Variants in ZC3H12C observed in about 807,000 individuals in gnomAD.
ZC3H12C encodes zinc finger CCCH-type containing 12C, also known as probable ribonuclease ZC3H12C.
A neutral mutation model predicts 76.3 loss-of-function variants in ZC3H12C; 20 were observed. That is an observed-to-expected ratio of 0.26 (90% confidence interval 0.18 to 0.38). The LOEUF (loss-of-function observed/expected upper bound fraction) is 0.38, where lower values mean the gene tolerates loss of function less well. Ranked by LOEUF, ZC3H12C falls within the 10% of genes least tolerant of loss-of-function variation. The probability of loss-of-function intolerance (pLI) is 1.00; values close to 1 mark genes in which losing one functional copy is unlikely to be tolerated. For missense variants in ZC3H12C, 874 were observed against 1,086.5 expected (o/e 0.80, Z 2.75); for synonymous variants, 352 against 399.6 (o/e 0.88, Z 1.42).
intron 1 of ZC3H12C, chr11:110,131,120 C>T: frequency 2.0e-6 from 3 of 1,518,828 alleles, no homozygotes; most frequent in Non-Finnish European, 2.7e-6. Flanking sequence ...AGTATTTGTG[C>T]TACTTTAATG....
intron 2 of ZC3H12C, among the ~76,000 whole-genome samples, chr11:110,139,688 T>C (rs965038147): frequency 3.9e-5 from 6 of 152,134 alleles, no homozygotes; most frequent in Non-Finnish European, 8.8e-5. Context: ...AGCCATAAAA[T>C]TGCCAAACGA....
Position 110,168,995 on chromosome 11 carries a change from T to G in ZC3H12C, c.*3258T>G, listed in dbSNP as rs1862627873. ...AAAAACAGGGGTTGGGGGGAGTGCT[T>G]CTGATGGCTAACTTTTCTCTAATTA... is the stretch of plus-strand genomic sequence containing the variant. On this transcript the variant is annotated 3_prime_UTR_variant, in exon 6 of 6. Coordinates refer to ENST00000278590, the MANE Select transcript of ZC3H12C (RefSeq NM_033390.2). 1 of 152,148 alleles carries G rather than the reference T, an allele frequency of 6.6e-6. No homozygotes were observed. Among genetic ancestry groups the G allele is most frequent in the Non-Finnish European group, 1.5e-5 (1 of 68,014 alleles). 9.4% of individuals were successfully genotyped at this position (152,148 alleles called of 1,614,324 possible). A position where few individuals can be genotyped will look rare whatever the true frequency, so the allele number is the denominator to read the frequency against.
intron 2 of ZC3H12C, among the ~76,000 whole-genome samples, chr11:110,145,419 T>A (rs1331154057): frequency 6.6e-6 from 1 of 152,206 alleles, no homozygotes; most frequent in Non-Finnish European, 1.5e-5. Context: ...CTCTCCTAAT[T>A]TCCAGTTGTC....
At chr11:110,118,976 C>T (rs1039977319) in intron 1 of ZC3H12C, among the ~76,000 whole-genome samples, 1 of 152,184 alleles carries the variant, frequency 6.6e-6, no homozygotes, top group Admixed American at 6.5e-5. Flanking sequence ...CTCCATCAAA[C>T]TCTCAATAGC....
At position 110,159,411 on chromosome 11, in the gene ZC3H12C, A is replaced by G. The variant is rs761670342; in HGVS notation, c.1069A>G (p.Arg357Gly). 6.2e-7 allele frequency: 1 copy of G among 1,613,968 alleles called. No individual in the cohort carries two copies. The change falls in exon 4 of 6, where the codon AGG (arginine) becomes GGG (glycine). Residue 357 changes from arginine to glycine, a missense_variant. Physicochemically the swap from Arg to Gly is moderately radical, Grantham distance 125. Transcript: ENST00000278590. ...TATCATTGTGTCCAATGATAACTAC[A>G]GGGACTTGGCTAATGAGAAGCCAGA... ...DGIIVSNDNY[R>G]DLANEKPEWK...
At chr11:110,111,697 A>ATTTT (rs11387069) in intron 1 of ZC3H12C, among the ~76,000 whole-genome samples, 1 of 132,034 alleles carries the variant, frequency 7.6e-6, no homozygotes, top group Non-Finnish European at 1.6e-5. Flanking sequence ...GGCCTGACTG[A>ATTTT]TTTTTTTTTT....
rs2134206649 is a variant in ZC3H12C at position 110,168,709 on chromosome 11, T to C, written c.*2972T>C. On this transcript the variant is annotated 3_prime_UTR_variant, in exon 6 of 6. Coordinates refer to ENST00000278590, the MANE Select transcript of ZC3H12C (RefSeq NM_033390.2). Reference sequence around the variant, plus strand: ...GAATAGTACCCAATTGGCCAAATACTGGCCCTTAGTATCTCCTCCTTTCTT... The same window carrying C: ...GAATAGTACCCAATTGGCCAAATACCGGCCCTTAGTATCTCCTCCTTTCTT... The C allele has an allele frequency of 6.6e-6, 1 of 152,324 alleles. No individual in the cohort carries two copies. Among genetic ancestry groups the C allele is most frequent in the Middle Eastern group, 3.4e-3 (1 of 294 alleles). 9.4% of individuals were successfully genotyped at this position (152,324 alleles called of 1,614,324 possible). A position where few individuals can be genotyped will look rare whatever the true frequency, so the allele number is the denominator to read the frequency against.
intron 2 of ZC3H12C, among the ~76,000 whole-genome samples, chr11:110,151,213 T>C (rs1862266327): frequency 6.6e-6 from 1 of 152,222 alleles, no homozygotes. Flanking sequence ...TGCACTCATT[T>C]TATGAAAGTA....
intron 2 of ZC3H12C, among the ~76,000 whole-genome samples, chr11:110,145,505 C>T (rs1466168580): frequency 6.6e-6 from 1 of 151,600 alleles, no homozygotes. Context: ...TCAATTAACC[C>T]AATCCAAAGC....
chr11:110,101,381 A>G (rs890367392), intron 1 of ZC3H12C, among the ~76,000 whole-genome samples: 1 of 152,164 alleles, frequency 6.6e-6, no homozygotes, highest in Admixed American at 6.5e-5. Flanking sequence ...ATTGGAAGAA[A>G]ATGCCATCTA....
Position 110,164,287 on chromosome 11 carries a change from G to T in ZC3H12C, c.1256-54G>T, listed in dbSNP as rs1411635900. On this transcript the variant is annotated intron_variant, in intron 5 of 5. Transcript: ENST00000278590. The surrounding 1 kb of genome is among the most constrained non-coding windows in gnomAD (Gnocchi z 5.7). The stretch of plus-strand genomic sequence containing the variant: ...AGTTAAAATCATAGGGCCAAACTGA[G>T]TTTTCAGGATCTGATGGTATGCTCC... 2.0e-6 allele frequency: 3 copies of T among 1,463,892 alleles called. No homozygotes were observed. The highest frequency in any genetic ancestry group is 2.7e-6 in the Non-Finnish European group (3 of 1,103,540). The allele number at this position is 1,463,892 out of a possible 1,614,324, so 90.7% of individuals were successfully genotyped here. A position where few individuals can be genotyped will look rare whatever the true frequency, so the allele number is the denominator to read the frequency against.
chr11:110,156,991 C>G (rs1862387640), intron 3 of ZC3H12C, among the ~76,000 whole-genome samples: 1 of 151,964 alleles, frequency 6.6e-6, no homozygotes. Context: ...CCACCCTGGC[C>G]AATATGGTGA....
rs866413548 is a variant in ZC3H12C at position 110,120,235 on chromosome 11, G to A, written c.22-16428G>A. 2.0e-5 allele frequency among the ~76,000 whole-genome samples: 3 copies of A among 152,062 alleles called. No individual in the cohort carries two copies. The South Asian group carries it at 6.2e-4, about 32-fold the overall frequency. On this transcript the variant is annotated intron_variant, in intron 1 of 5. Coordinates refer to ENST00000278590, the MANE Select transcript of ZC3H12C (RefSeq NM_033390.2). ...CATTTTTATCAGCCTATCAATATAT[G>A]CCCTTGTTTTATGTGTGTTTCTGTT...
chr11:110,134,382 G>A (rs1385370324), intron 1 of ZC3H12C, among the ~76,000 whole-genome samples: 1 of 152,050 alleles, frequency 6.6e-6, no homozygotes, highest in East Asian at 1.9e-4. Flanking sequence ...CCAGCTTCTG[G>A]TTGCCAAGCA....
intron 4 of ZC3H12C, 143 bp downstream of exon 4, chr11:110,159,633 G>T: frequency 1.3e-6 from 1 of 744,226 alleles, no homozygotes; most frequent in Non-Finnish European, 2.1e-6. Context: ...GATCCTCAGT[G>T]GGAGTCAGGA....
intron 1 of ZC3H12C, among the ~76,000 whole-genome samples, chr11:110,108,993 C>A (rs1300441234): frequency 5.3e-5 from 8 of 152,052 alleles, no homozygotes; most frequent in Non-Finnish European, 1.2e-4. Flanking sequence ...TAGAATAAAA[C>A]CTACCTGGTT....
At chr11:110,135,414 T>G (rs555283542) in intron 1 of ZC3H12C, among the ~76,000 whole-genome samples, 2 of 137,216 alleles carry the variant, frequency 1.5e-5, no homozygotes, top group Non-Finnish European at 3.0e-5. Flanking sequence ...CACTTGAATA[T>G]GGGAGGCAGA....
intron 1 of ZC3H12C, among the ~76,000 whole-genome samples, chr11:110,097,231 T>C (rs984195405): frequency 2.0e-5 from 3 of 152,214 alleles, no homozygotes; most frequent in Non-Finnish European, 4.4e-5. Flanking sequence ...ATGTACACGG[T>C]TTTACATTAC....
At chr11:110,117,637 G>GATAT (rs528250347) in intron 1 of ZC3H12C, among the ~76,000 whole-genome samples, 8 of 141,560 alleles carry the variant, frequency 5.7e-5, no homozygotes, top group African/African-American at 2.1e-4. Context: ...TCCCACATGA[G>GATAT]ATATATATAT....
Sources: gnomAD v4.1 joint callset for allele counts (sites outside exome capture counted in the v4.1 genomes callset) on GRCh38, gnomAD v4.1.1 for gene constraint, Gnocchi (gnomAD v3.1) non-coding constraint, MANE v1.5 for transcripts, NCBI Gene and HGNC (gene_info 2026-07-23, HGNC 2026-07-21) for gene names.